The following HUNK variants were observed in gnomAD, a reference collection of about 807,000 sequenced individuals.
The protein encoded by HUNK is hormonally up-regulated neu tumor-associated kinase.
Under a neutral mutation model 61.0 loss-of-function variants are expected in HUNK, and 21 were observed. That is an observed-to-expected ratio of 0.34 (90% confidence interval 0.24 to 0.50). HUNK has a LOEUF of 0.50. Among genes scored for constraint, HUNK ranks in the 20% least tolerant of loss-of-function variants. The probability of loss-of-function intolerance (pLI) is 0.98; values close to 1 mark genes in which losing one functional copy is unlikely to be tolerated. For missense variants in HUNK, 772 were observed against 945.7 expected (o/e 0.82, Z 2.41); for synonymous variants, 371 against 386.1 (o/e 0.96, Z 0.46).
rs148027968 is a variant in HUNK at position 31,908,716 on chromosome 21, G to A, written c.262-15752G>A. ...ATTGTTTTTTGGATCCCGTGGATCT[G>A]TTTGCTTTTAGATTATGTCATTTGA... On this transcript the variant is annotated intron_variant, in intron 1 of 10. Coordinates refer to ENST00000270112, the MANE Select transcript of HUNK (RefSeq NM_014586.2). Among the ~76,000 whole-genome samples, 102 of 152,228 alleles carry A rather than the reference G, an allele frequency of 6.7e-4. 2 individuals are homozygous for A. The East Asian group carries it at 0.015, about 23-fold the overall frequency.
At position 31,990,099 on chromosome 21, in the gene HUNK, C is replaced by T. The variant is rs118131742; in HGVS notation, c.1258-30C>T. On this transcript the variant is annotated intron_variant, in intron 8 of 10. Coordinates refer to ENST00000270112, the MANE Select transcript of HUNK (RefSeq NM_014586.2). ...GGAATAAATAGCAGGTGCAGATTCT[C>T]GAATTGTTGAAGGATGTTCCTTTTC... 359 of 1,606,648 alleles carry T rather than the reference C, an allele frequency of 2.2e-4. No homozygotes were observed. The East Asian group carries it at 6.7e-3, about 30-fold the overall frequency.
chr21:31,880,456 C>A (rs1331225482), intron 1 of HUNK, among the ~76,000 whole-genome samples: 1 of 152,212 alleles, frequency 6.6e-6, no homozygotes, highest in African/African-American at 2.4e-5. Flanking sequence ...TTGCCTCTTA[C>A]TAGCTTCCGG....
intron 1 of HUNK, among the ~76,000 whole-genome samples, chr21:31,889,325 G>A (rs1213483751): frequency 6.6e-6 from 1 of 152,206 alleles, no homozygotes; most frequent in Non-Finnish European, 1.5e-5. Flanking sequence ...GAAGCTTAGG[G>A]AAAGTTAGCT....
At chr21:31,880,078 G>C (rs533242481) in intron 1 of HUNK, among the ~76,000 whole-genome samples, 1 of 152,214 alleles carries the variant, frequency 6.6e-6, no homozygotes, top group East Asian at 1.9e-4. Context: ...GGATGCCTCT[G>C]TGAATTCGAG....
intron 9 of HUNK, among the ~76,000 whole-genome samples, chr21:31,991,112 G>C (rs1001533073): frequency 6.6e-6 from 1 of 152,106 alleles, no homozygotes; most frequent in Non-Finnish European, 1.5e-5. Flanking sequence ...TTATTGTCTT[G>C]TTACAACTCT....
intron 3 of HUNK, among the ~76,000 whole-genome samples, chr21:31,943,939 G>A (rs944651554): frequency 6.6e-6 from 1 of 152,202 alleles, no homozygotes; most frequent in Non-Finnish European, 1.5e-5. Flanking sequence ...AGCTATTATT[G>A]TGTTTATTTG....
intron 1 of HUNK, among the ~76,000 whole-genome samples, chr21:31,878,258 C>CAAAAAAA (rs59741283): frequency 1.1e-5 from 1 of 89,950 alleles, no homozygotes; most frequent in African/African-American, 4.4e-5. Flanking sequence ...GACTCCATCT[C>CAAAAAAA]AAAAAAAAAA....
chr21:31,919,987 G>T (rs532796567), intron 1 of HUNK, among the ~76,000 whole-genome samples: 2 of 152,308 alleles, frequency 1.3e-5, no homozygotes, highest in South Asian at 4.1e-4. Flanking sequence ...GTAACAAATT[G>T]ATTCTCTCAC....
At chr21:31,914,408 CAAAAAAAAAAA>C (rs35023797) in intron 1 of HUNK, among the ~76,000 whole-genome samples, 3 of 39,826 alleles carry the variant, frequency 7.5e-5, no homozygotes, top group Non-Finnish European at 1.2e-4. Context: ...AACTCTGTCT[CAAAAAAAAAAA>C]AAAAAAAAAA....
chr21:31,955,531 C>T (rs942399204), intron 4 of HUNK, among the ~76,000 whole-genome samples: 6 of 152,150 alleles, frequency 3.9e-5, no homozygotes, highest in African/African-American at 1.4e-4. Context: ...GCAGAGCTTG[C>T]AGTGAGCCGA....
Position 31,924,671 on chromosome 21 carries a change from G to A in HUNK, c.465G>A (p.Lys155=). Residue 155 remains lysine, a synonymous_variant, in exon 2 of 11, where the codon AAG becomes AAA. Coordinates refer to ENST00000270112, the MANE Select transcript of HUNK (RefSeq NM_014586.2). This position sits in a 1 kb window ranked among gnomAD's most constrained non-coding sequence, Gnocchi z 5.1. Reference sequence around the variant, plus strand: ...ACCTGATGCACAAGATCTATGAGAAGAAGCGGCTGGAGGAGTCCGAAGCCC... The same window carrying A: ...ACCTGATGCACAAGATCTATGAGAAAAAGCGGCTGGAGGAGTCCGAAGCCC... ...GGNLMHKIYE[K]KRLEESEARR... is the part of the protein sequence containing the mutation. 1 of 1,614,150 alleles carries A rather than the reference G, an allele frequency of 6.2e-7. No individual in the cohort carries two copies. The highest frequency in any genetic ancestry group is 1.1e-5 in the South Asian group (1 of 91,086).
intron 7 of HUNK, among the ~76,000 whole-genome samples, chr21:31,975,200 TG>T (rs2053040221): frequency 6.6e-6 from 1 of 152,226 alleles, no homozygotes; most frequent in Non-Finnish European, 1.5e-5. Context: ...GGCCTGACTC[TG>T]GCACCTTCCC....
intron 1 of HUNK, among the ~76,000 whole-genome samples, chr21:31,895,561 G>A (rs2052419298): frequency 6.6e-6 from 1 of 152,204 alleles, no homozygotes; most frequent in South Asian, 2.1e-4. Flanking sequence ...TGTGTAATGG[G>A]AGAGGCCCAT....
At chr21:31,954,992 G>T (rs58412829) in intron 4 of HUNK, among the ~76,000 whole-genome samples, 27 of 151,824 alleles carry the variant, frequency 1.8e-4, no homozygotes, top group Admixed American at 1.5e-3. Flanking sequence ...CATGTTGCCC[G>T]CCCAGGCTGA....
At chr21:31,945,099 G>GC (rs2052793217) in intron 3 of HUNK, among the ~76,000 whole-genome samples, 1 of 152,176 alleles carries the variant, frequency 6.6e-6, no homozygotes, top group Non-Finnish European at 1.5e-5. Flanking sequence ...GAGCCCTGCA[G>GC]CCCGAGTCTT....
chr21:31,890,197 AT>A (rs2052376337), intron 1 of HUNK, among the ~76,000 whole-genome samples: 1 of 151,604 alleles, frequency 6.6e-6, no homozygotes, highest in South Asian at 2.1e-4. Flanking sequence ...TACTATACTA[AT>A]CACATTGCAT....
In HUNK at chr21:31,873,630, G is replaced by T; in HGVS notation, c.-45G>T. ...GAAGAGCCTGGGGAGGAGGAGCTGC[G>T]AGCGCGGGAGACGAGCAGGAGCCGC... On this transcript the variant is annotated 5_prime_UTR_variant, in exon 1 of 11. Coordinates refer to ENST00000270112, the MANE Select transcript of HUNK (RefSeq NM_014586.2). This position sits in a 1 kb window ranked among gnomAD's most constrained non-coding sequence, Gnocchi z 6.1. 1.0e-6 allele frequency: 1 copy of T among 983,288 alleles called. No individual in the cohort carries two copies. Among genetic ancestry groups the T allele is most frequent in the South Asian group, 4.6e-5 (1 of 21,736 alleles). The allele number at this position is 983,288 out of a possible 1,614,324, so 60.9% of individuals were successfully genotyped here. A position where few individuals can be genotyped will look rare whatever the true frequency, so the allele number is the denominator to read the frequency against.
At chr21:31,997,477 G>A (rs916806406) in intron 10 of HUNK, among the ~76,000 whole-genome samples, 9 of 152,158 alleles carry the variant, frequency 5.9e-5, no homozygotes, top group Non-Finnish European at 1.0e-4. Context: ...AGTGAATTAC[G>A]CCAGTCCCTA....
At chr21:31,976,813 C>T (rs1297424158) in intron 7 of HUNK, among the ~76,000 whole-genome samples, 1 of 144,428 alleles carries the variant, frequency 6.9e-6, no homozygotes, top group Non-Finnish European at 1.5e-5. Context: ...CTCTGTCACC[C>T]AGGCTAGAGT....
Sources: allele counts gnomAD v4.1 joint callset (sites outside exome capture counted in the v4.1 genomes callset), GRCh38; gene constraint gnomAD v4.1.1; non-coding constraint Gnocchi (gnomAD v3.1); transcripts MANE v1.5; gene names NCBI Gene and HGNC (gene_info 2026-07-23, HGNC 2026-07-21).